The following ECHDC3 variants were observed in gnomAD, a reference collection of about 807,000 sequenced individuals.
ECHDC3 encodes enoyl-CoA hydratase domain-containing protein 3, mitochondrial.
Under a neutral mutation model 17.9 loss-of-function variants are expected in ECHDC3, and 20 were observed. The ratio of observed to expected loss-of-function variants is 1.12; its 90% CI spans 0.79 to 1.63. ECHDC3 has a LOEUF of 1.63. Among genes scored for constraint, ECHDC3 ranks in the 40% most tolerant of loss-of-function variants. ECHDC3 has a pLI of 0.00. For synonymous variants in ECHDC3, 177 were observed against 149.7 expected, an observed-to-expected ratio of 1.18 and a Z score of -1.33; for missense variants, 407 against 357.7, an observed-to-expected ratio of 1.14 and a Z score of -1.11.
intron 1 of ECHDC3, among the ~76,000 whole-genome samples, chr10:11,744,601 G>A (rs1832741056): frequency 6.6e-6 from 1 of 152,040 alleles, no homozygotes; most frequent in African/African-American, 2.4e-5. Flanking sequence ...TCTTCGGATA[G>A]GTGATATTGG....
Position 11,763,463 on chromosome 10 carries a change from C to T in ECHDC3, c.831C>T (p.Asn277=), listed in dbSNP as rs777355285. 4.0e-6 allele frequency: 4 copies of T among 991,400 alleles called. No homozygotes were observed. The highest frequency in any genetic ancestry group is 6.4e-6 in the Non-Finnish European group (4 of 623,624). 61.4% of individuals were successfully genotyped at this position (991,400 alleles called of 1,614,324 possible). The change falls in exon 5 of 5, where the codon AAC becomes AAT. Residue 277 remains asparagine, a synonymous_variant. Transcript: ENST00000379215. The surrounding 1 kb of genome is among the most constrained non-coding windows in gnomAD (Gnocchi z 4.9). ...TCACCTCCCAGGCCATGGTGGACAA[C>T]CTGGCCCTGCGGGACGGGCAGGAGG... The part of the protein sequence containing the change: ...YYLTSQAMVD[N]LALRDGQEGI...
intron 3 of ECHDC3, among the ~76,000 whole-genome samples, chr10:11,751,758 A>G (rs1448964046): frequency 2.0e-5 from 3 of 152,204 alleles, no homozygotes; most frequent in Non-Finnish European, 4.4e-5. Flanking sequence ...CAGGTTAGAG[A>G]CTTCTTCCTT....
intron 4 of ECHDC3, among the ~76,000 whole-genome samples, chr10:11,756,036 G>A (rs978812164): frequency 8.5e-5 from 13 of 152,338 alleles, no homozygotes; most frequent in Admixed American, 5.9e-4. Context: ...GCCTAGGATA[G>A]TAGTGTCGCT....
intron 4 of ECHDC3, among the ~76,000 whole-genome samples, chr10:11,756,391 C>T (rs2013078): frequency 0.94 from 142,645 of 152,324 alleles, 67,562 homozygotes; most frequent in East Asian, 1. Flanking sequence ...CCACACCAAG[C>T]AAAGAAGCTA....
At chr10:11,750,033 T>C (rs1325554773) in intron 3 of ECHDC3, among the ~76,000 whole-genome samples, 1 of 152,064 alleles carries the variant, frequency 6.6e-6, no homozygotes, top group Non-Finnish European at 1.5e-5. Flanking sequence ...TGACCTCAGA[T>C]GATCCTCCTC....
intron 4 of ECHDC3, among the ~76,000 whole-genome samples, chr10:11,757,384 A>T (rs964012804): frequency 2.0e-5 from 3 of 152,142 alleles, no homozygotes; most frequent in African/African-American, 7.2e-5. Flanking sequence ...GAAAAGGGGG[A>T]AAATATGACA....
rs200347426 is a variant in ECHDC3, at chr10:11,755,609, G to A, written c.591+1G>A. The A allele has an allele frequency of 2.5e-4, 410 of 1,610,344 alleles. 3 individuals are homozygous for A. In the South Asian group the frequency reaches 3.0e-3, roughly 12 times the overall value. On this transcript the variant is annotated splice_donor_variant, in intron 4 of 4. Coordinates refer to ENST00000379215, the MANE Select transcript of ECHDC3 (RefSeq NM_024693.5). LOFTEE classifies it high-confidence loss of function. ...CTTGGCAAGAGCAGTGCCTAGAAAG[G>A]TAATTTAACTCCCCCCACCCACCTC...
chr10:11,747,572 T>C (rs1240414495), intron 2 of ECHDC3, 102 bp downstream of exon 2: 6 of 1,389,696 alleles, frequency 4.3e-6, no homozygotes, highest in East Asian at 4.7e-5. Flanking sequence ...GAGAATTGTT[T>C]TGAAGCTCCT....
chr10:11,755,208 C>G, intron 3 of ECHDC3, 200 bp from the exon 4 acceptor site: 1 of 502,890 alleles, frequency 2.0e-6, no homozygotes. Context: ...TGCCTGTAGT[C>G]CCAGCTACTC....
intron 2 of ECHDC3, among the ~76,000 whole-genome samples, chr10:11,747,857 T>G (rs1360088726): frequency 6.6e-6 from 1 of 152,234 alleles, no homozygotes; most frequent in East Asian, 1.9e-4. Flanking sequence ...GCTTTCGAAC[T>G]GATATCTGCA....
chr10:11,758,262 CT>C (rs1832906452), intron 4 of ECHDC3, among the ~76,000 whole-genome samples: 1 of 152,170 alleles, frequency 6.6e-6, no homozygotes, highest in Non-Finnish European at 1.5e-5. Context: ...AATAATGCAT[CT>C]TTCTGGCACC....
In ECHDC3 at chr10:11,745,625, G is replaced by A. The variant is rs144801798; in HGVS notation, c.171-1724G>A. 1.3e-4 allele frequency among the ~76,000 whole-genome samples: 20 copies of A among 152,250 alleles called. No homozygotes were observed. In the East Asian group the frequency reaches 3.5e-3, roughly 26 times the overall value. On this transcript the variant is annotated intron_variant, in intron 1 of 4. Coordinates refer to ENST00000379215, the MANE Select transcript of ECHDC3 (RefSeq NM_024693.5). ...AATTCAGTCATCAAACTTGTTTTCC[G>A]GAAAACCATGACACAGAATACTATT...
At chr10:11,749,684 T>C (rs1564282967) in intron 3 of ECHDC3, 92 bp downstream of exon 3, 2 of 1,210,228 alleles carry the variant, frequency 1.7e-6, no homozygotes, top group Admixed American at 2.0e-5. Flanking sequence ...TAAGATTTTA[T>C]CCATGAGACC....
chr10:11,757,674 G>T (rs1388099449), intron 4 of ECHDC3, among the ~76,000 whole-genome samples: 4 of 152,298 alleles, frequency 2.6e-5, no homozygotes, highest in Non-Finnish European at 5.9e-5. Context: ...TGCACGCTGG[G>T]CTTATTAATG....
intron 3 of ECHDC3, 187 bp from the exon 4 acceptor site, chr10:11,755,221 G>A (rs11257306): frequency 0.35 from 190,012 of 537,046 alleles, 35,565 homozygotes; most frequent in East Asian, 0.5. Flanking sequence ...AGCTACTCAG[G>A]AGGCTGAGGC....
intron 3 of ECHDC3, among the ~76,000 whole-genome samples, chr10:11,752,665 C>T (rs182498172): frequency 6.6e-6 from 1 of 152,088 alleles, no homozygotes; most frequent in African/African-American, 2.4e-5. Flanking sequence ...TACTATATGC[C>T]AGATAATATT....
At chr10:11,755,768 A>C in intron 4 of ECHDC3, 160 bp downstream of exon 4, 3 of 633,754 alleles carry the variant, frequency 4.7e-6, no homozygotes, top group South Asian at 2.4e-5. Flanking sequence ...TGTTCCCTCT[A>C]ATGGCAGGGA....
At chr10:11,761,444 G>A (rs1469196020) in intron 4 of ECHDC3, among the ~76,000 whole-genome samples, 1 of 152,206 alleles carries the variant, frequency 6.6e-6, no homozygotes, top group Admixed American at 6.5e-5. Context: ...TGCCTCCCCT[G>A]TGTGTGTCTC....
intron 4 of ECHDC3, among the ~76,000 whole-genome samples, chr10:11,760,972 C>T (rs761774599): frequency 2.0e-5 from 3 of 152,238 alleles, no homozygotes; most frequent in Non-Finnish European, 4.4e-5. Flanking sequence ...CTTCCTCCAA[C>T]GTAAAATCGG....
Sources: gnomAD v4.1 joint callset for allele counts (sites outside exome capture counted in the v4.1 genomes callset) on GRCh38, gnomAD v4.1.1 for gene constraint, Gnocchi (gnomAD v3.1) non-coding constraint, MANE v1.5 for transcripts, NCBI Gene and HGNC (gene_info 2026-07-23, HGNC 2026-07-21) for gene names.